Variants in WDSUB1 observed in about 807,000 individuals in gnomAD.
WDSUB1 encodes WD repeat, SAM and U-box domain-containing protein 1.
Under a neutral mutation model 53.9 loss-of-function variants are expected in WDSUB1, and 49 were observed. The ratio of observed to expected loss-of-function variants is 0.91; its 90% CI spans 0.72 to 1.15. The LOEUF (loss-of-function observed/expected upper bound fraction) is 1.15. Ranked by LOEUF, WDSUB1 falls within the 50% of genes most tolerant of loss-of-function variation. The pLI is 0.00. For synonymous variants in WDSUB1, 194 were observed against 200.6 expected, an observed-to-expected ratio of 0.97 and a Z score of 0.28; for missense variants, 514 against 562.0, an observed-to-expected ratio of 0.91 and a Z score of 0.86.
Position 159,256,370 on chromosome 2 carries a change from G to T in WDSUB1, c.958C>A (p.Arg320Ser), listed in dbSNP as rs7591849. The stretch of plus-strand genomic sequence containing the variant: ...AATTGCTTCAGCTGATGTTCTGTGC[G>T]CCTTGCTTAAAATAAACAAACAAGT... ...FDLETLCQAR[R>S]TEHQLKQFTE... Residue 320 changes from arginine to serine, a missense_variant, in exon 9 of 11, where the codon CGC becomes AGC. Coordinates refer to ENST00000359774, the MANE Select transcript of WDSUB1 (RefSeq NM_001128212.3). 884,892 of 1,606,078 alleles carry T rather than the reference G, an allele frequency of 0.55. 251,696 individuals carry two copies. The highest frequency in any genetic ancestry group is 0.72 in the African/African-American group (53,725 of 74,668).
At chr2:159,267,816 AT>A (rs2061375224) in intron 5 of WDSUB1, among the ~76,000 whole-genome samples, 2 of 152,206 alleles carry the variant, frequency 1.3e-5, no homozygotes, top group African/African-American at 4.8e-5. Context: ...ACTAAGTATG[AT>A]TTAAATATGC....
chr2:159,282,609 TCA>T (rs1305387539), intron 2 of WDSUB1, 61 bp downstream of exon 2: 3 of 1,533,074 alleles, frequency 2.0e-6, no homozygotes, highest in East Asian at 4.5e-5. Context: ...TATTTTGCTT[TCA>T]GTTTTTTTTA....
intron 2 of WDSUB1, 56 bp downstream of exon 2, chr2:159,282,612 GTTTT>G (rs2061689781): frequency 6.5e-7 from 1 of 1,534,226 alleles, no homozygotes. Flanking sequence ...TTTGCTTTCA[GTTTT>G]TTTTAAGTAC....
At chr2:159,249,560 C>T (rs1469519849) in intron 9 of WDSUB1, among the ~76,000 whole-genome samples, 1 of 152,164 alleles carries the variant, frequency 6.6e-6, no homozygotes, top group Non-Finnish European at 1.5e-5. Context: ...CCCTGTGTTT[C>T]AGACAGTCTT....
chr2:159,278,816 CT>C, intron 3 of WDSUB1, among the ~76,000 whole-genome samples: 1 of 152,266 alleles, frequency 6.6e-6, no homozygotes, highest in South Asian at 2.1e-4. Context: ...TAACAAGCCA[CT>C]GATGGGCTTG....
chr2:159,263,449 AT>A (rs2061268502), intron 5 of WDSUB1, among the ~76,000 whole-genome samples: 1 of 152,242 alleles, frequency 6.6e-6, no homozygotes, highest in Non-Finnish European at 1.5e-5. Flanking sequence ...ATTAATATAG[AT>A]TAATATCAAA....
Position 159,282,783 on chromosome 2 carries a change from C to T in WDSUB1, c.287G>A (p.Ser96Asn), listed in dbSNP as rs775641046. The change falls in exon 2 of 11, where the codon AGT becomes AAT. Residue 96 changes from serine (S) to asparagine (N), a missense_variant. Ser to Asn is a conservative substitution (Grantham distance 46). Transcript: ENST00000359774. ...CTGGCAAACCCTCACAGGGCTGCCA[C>T]TAGGCTGTTCCATCACTGCCAGCAT... ...GQMLAVMEQP[S>N]GSPVRVCQFS... 15 of 1,614,110 alleles carry T rather than the reference C, an allele frequency of 9.3e-6. No individual in the cohort carries two copies. In the South Asian group the frequency reaches 1.6e-4, roughly 18 times the overall value.
chr2:159,271,364 C>G (rs2061440939), intron 5 of WDSUB1, among the ~76,000 whole-genome samples: 1 of 152,096 alleles, frequency 6.6e-6, no homozygotes, highest in Admixed American at 6.5e-5. Flanking sequence ...GAATATTACA[C>G]AGCAATGAAA....
At chr2:159,274,087 A>G (rs1168639114) in intron 4 of WDSUB1, among the ~76,000 whole-genome samples, 1 of 152,248 alleles carries the variant, frequency 6.6e-6, no homozygotes, top group African/African-American at 2.4e-5. Flanking sequence ...TCAGCAAACC[A>G]GAAACTGAAT....
chr2:159,258,080 G>A, intron 6 of WDSUB1, 95 bp from the exon 7 acceptor site: 1 of 1,050,694 alleles, frequency 9.5e-7, no homozygotes. Flanking sequence ...ATACTAAGTG[G>A]ATATATTAAT....
intron 4 of WDSUB1, among the ~76,000 whole-genome samples, chr2:159,274,582 G>T (rs1030938586): frequency 4.6e-5 from 7 of 152,070 alleles, no homozygotes; most frequent in African/African-American, 1.7e-4. Context: ...ATTTATCCCT[G>T]GCGAAACCTT....
intron 5 of WDSUB1, among the ~76,000 whole-genome samples, chr2:159,269,138 C>T (rs1251561359): frequency 6.7e-6 from 1 of 150,136 alleles, no homozygotes; most frequent in Non-Finnish European, 1.5e-5. Context: ...AAGAATTTTC[C>T]AAAAGTGGTA....
intron 5 of WDSUB1, among the ~76,000 whole-genome samples, chr2:159,262,157 C>A (rs2061241083): frequency 6.6e-6 from 1 of 151,450 alleles, no homozygotes; most frequent in South Asian, 2.1e-4. Context: ...AACAAAACCC[C>A]AAAATTAAAA....
chr2:159,248,970 A>G lies in WDSUB1; in HGVS notation c.1133-458T>C, dbSNP rs146967333. Among the ~76,000 whole-genome samples, 159 of 152,246 alleles carry G rather than the reference A, an allele frequency of 1.0e-3. 1 individual carries two copies. The highest frequency in any genetic ancestry group is 3.8e-3 in the African/African-American group (156 of 41,536). On this transcript the variant is annotated intron_variant, in intron 9 of 10. Coordinates refer to ENST00000359774, the MANE Select transcript of WDSUB1 (RefSeq NM_001128212.3). Reference sequence around the variant, plus strand: ...GACATACTGTTTTACCGCATGAACTATTGTTTTCTTTATAAATTCCTTAAC... The same window carrying G: ...GACATACTGTTTTACCGCATGAACTGTTGTTTTCTTTATAAATTCCTTAAC...
chr2:159,254,474 T>C (rs1421588579), intron 9 of WDSUB1, among the ~76,000 whole-genome samples: 1 of 152,048 alleles, frequency 6.6e-6, no homozygotes, highest in Non-Finnish European at 1.5e-5. Flanking sequence ...GGTAGGAGGA[T>C]CACTTGAGCC....
intron 10 of WDSUB1, among the ~76,000 whole-genome samples, chr2:159,245,150 T>G (rs2060763985): frequency 6.6e-6 from 1 of 152,138 alleles, no homozygotes; most frequent in Admixed American, 6.5e-5. Flanking sequence ...TTCTAAGATC[T>G]ATGTGGAAAT....
chr2:159,243,191 T>C (rs900501413), intron 10 of WDSUB1, among the ~76,000 whole-genome samples: 2 of 147,892 alleles, frequency 1.4e-5, no homozygotes, highest in Non-Finnish European at 2.9e-5. Context: ...GTGGTAAGTC[T>C]ACAGGGATTA....
Position 159,282,503 on chromosome 2 carries a change from T to G in WDSUB1, c.398+169A>C, listed in dbSNP as rs564508331. 2.0e-5 allele frequency among the ~76,000 whole-genome samples: 3 copies of G among 152,314 alleles called. No individual in the cohort carries two copies. In the East Asian group the frequency reaches 5.8e-4, roughly 29 times the overall value. On this transcript the variant is annotated intron_variant, in intron 2 of 10. Coordinates refer to ENST00000359774, the MANE Select transcript of WDSUB1 (RefSeq NM_001128212.3). ...CACAGCACCTGGCCCAGTTAAAATATTTTTCCTTGTGCTACCTGAAAACTA... is the reference window on the plus strand; with the variant it reads ...CACAGCACCTGGCCCAGTTAAAATAGTTTTCCTTGTGCTACCTGAAAACTA...
At chr2:159,244,082 T>C (rs1436878723) in intron 10 of WDSUB1, among the ~76,000 whole-genome samples, 1 of 152,164 alleles carries the variant, frequency 6.6e-6, no homozygotes, top group Admixed American at 6.5e-5. Flanking sequence ...AAACTGGAGA[T>C]AGAAGGGAAC....
Sources: allele counts gnomAD v4.1 joint callset (sites outside exome capture counted in the v4.1 genomes callset), GRCh38; gene constraint gnomAD v4.1.1; transcripts MANE v1.5; gene names NCBI Gene and HGNC (gene_info 2026-07-23, HGNC 2026-07-21).